The following TRHDE variants were observed in gnomAD, a reference collection of about 807,000 sequenced individuals.
The protein encoded by TRHDE is thyrotropin releasing hormone degrading enzyme.
In TRHDE, 72 loss-of-function variants were observed where a neutral mutation model predicts 125.7. The observed-to-expected ratio is 0.57, with a 90% CI of 0.47 to 0.70. The LOEUF is 0.70. TRHDE is among the 30% of genes least tolerant of loss of function. The pLI, the probability that TRHDE is intolerant of heterozygous loss-of-function variation, is 0.00. For missense variants in TRHDE, 1,110 were observed against 1,327.1 expected (o/e 0.84, Z 2.54); for synonymous variants, 509 against 509.1 (o/e 1.00, Z 0.00).
intron 2 of TRHDE, among the ~76,000 whole-genome samples, chr12:72,162,487 C>T (rs533565783): frequency 1.3e-5 from 2 of 152,154 alleles, no homozygotes; most frequent in Non-Finnish European, 2.9e-5. Context: ...GATTTATTAT[C>T]TTCCTGCATT....
At chr12:72,276,856 A>G (rs1206204009) in intron 1 of TRHDE, among the ~76,000 whole-genome samples, 2 of 152,196 alleles carry the variant, frequency 1.3e-5, no homozygotes, top group African/African-American at 4.8e-5. Flanking sequence ...GGCAGATAAA[A>G]ATGGGTGTGT....
At chr12:72,502,106 T>C (rs1235550849) in intron 6 of TRHDE, among the ~76,000 whole-genome samples, 1 of 152,084 alleles carries the variant, frequency 6.6e-6, no homozygotes, top group East Asian at 1.9e-4. Context: ...TTTATTGATC[T>C]CAAAAAGCAT....
chr12:72,515,579 A>G (rs1404522938), intron 6 of TRHDE, among the ~76,000 whole-genome samples: 1 of 151,980 alleles, frequency 6.6e-6, no homozygotes, highest in Non-Finnish European at 1.5e-5. Context: ...ATTTTCTCCC[A>G]TGTTGTAGGT....
rs547164900 is a variant in TRHDE, at chr12:72,234,740, A to G, written n.279+128988A>G. Among the ~76,000 whole-genome samples the G allele has an allele frequency of 3.2e-3, 481 of 152,272 alleles. 1 individual carries two copies. The highest frequency in any genetic ancestry group is 0.011 in the African/African-American group (467 of 41,554). ...GTTTTAGGTGCTTTAAAAAAAATCT[A>G]CTTTGTCTTAAATTGATCAGAGAAG... On this transcript the variant is annotated intron_variant and non_coding_transcript_variant, in intron 2 of 4. Coordinates refer to the TRHDE transcript ENST00000548156.
chr12:72,323,762 G>C (rs879740823), intron 2 of TRHDE, among the ~76,000 whole-genome samples: 3 of 152,110 alleles, frequency 2.0e-5, no homozygotes, highest in Non-Finnish European at 2.9e-5. Flanking sequence ...GTCAAAGGCA[G>C]TTGTGATGTA....
rs75900569 is a variant in TRHDE, at chr12:72,374,025, G to A, written c.1189-3970G>A. ...ATAACAGCTTGAAGGAGCAAGGGAC[G>A]AGGCATCAGTAGGAAAATAAAGCAG... On this transcript the variant is annotated intron_variant, in intron 2 of 18. Transcript: ENST00000261180. Among the ~76,000 whole-genome samples the A allele has an allele frequency of 6.4e-3, 968 of 152,192 alleles. 6 individuals are homozygous for A. The highest frequency in any genetic ancestry group is 0.022 in the African/African-American group (931 of 41,532).
At chr12:72,357,090 T>C (rs974351355) in intron 2 of TRHDE, among the ~76,000 whole-genome samples, 2 of 151,458 alleles carry the variant, frequency 1.3e-5, no homozygotes, top group Non-Finnish European at 3.0e-5. Flanking sequence ...CAGGTTTAAA[T>C]AAAGCAACCA....
Position 72,499,525 on chromosome 12 carries a change from C to A in TRHDE, c.1612C>A (p.Leu538Met), listed in dbSNP as rs1158171868. ...AAAGCAGAGGTTTCTGACCGATGTT[C>A]TGCATGAAGTGATGCTGCTGGACGG... ...MEKQRFLTDV[L>M]HEVMLLDGLA... is the part of the protein sequence containing the mutation. Residue 538 changes from leucine to methionine, a missense_variant, in exon 6 of 19, where the codon CTG (leucine) becomes ATG (methionine). Coordinates refer to ENST00000261180, the MANE Select transcript of TRHDE (RefSeq NM_013381.3). 1 of 1,613,718 alleles carries A rather than the reference C, an allele frequency of 6.2e-7. No individual in the cohort carries two copies. Among genetic ancestry groups the A allele is most frequent in the Non-Finnish European group, 8.5e-7 (1 of 1,179,806 alleles).
At chr12:72,356,449 G>T (rs890692790) in intron 2 of TRHDE, among the ~76,000 whole-genome samples, 17 of 151,394 alleles carry the variant, frequency 1.1e-4, no homozygotes, top group African/African-American at 3.9e-4. Context: ...CTTAGTACCT[G>T]GTTGACAAAA....
At position 72,456,176 on chromosome 12, in the gene TRHDE, C is replaced by CACACACAG. The variant is rs796569778; in HGVS notation, c.1316-13581_1316-13580insCACACAGA. On this transcript the variant is annotated intron_variant, in intron 3 of 18. Coordinates refer to ENST00000261180, the MANE Select transcript of TRHDE (RefSeq NM_013381.3). ...ACACACACACACACACACACACACACAGAGACTCAGAGAGTTGGACATATG... is the reference window on the plus strand; with the variant it reads ...ACACACACACACACACACACACACACACACACAGAGAGACTCAGAGAGTTGGACATATG... Among the ~76,000 whole-genome samples the CACACACAG allele has an allele frequency of 3.7e-4, 52 of 140,520 alleles. 1 individual carries two copies. Among genetic ancestry groups the CACACACAG allele is most frequent in the Middle Eastern group, 3.8e-3 (1 of 260 alleles). The allele number at this position is 140,520 out of a possible 152,430, so 92.2% of individuals were successfully genotyped here.
intron 3 of TRHDE, among the ~76,000 whole-genome samples, chr12:72,442,006 G>A (rs1875038946): frequency 6.6e-6 from 1 of 151,740 alleles, no homozygotes; most frequent in South Asian, 2.1e-4. Flanking sequence ...GAAGCTACAA[G>A]TCTCTTTATA....
chr12:72,286,421 T>A (rs10879392), intron 1 of TRHDE, among the ~76,000 whole-genome samples: 84,472 of 152,028 alleles, frequency 0.56, 26,938 homozygotes, highest in East Asian at 0.8. Flanking sequence ...TACTGTGTAA[T>A]GTTTCATCTA....
chr12:72,327,268 T>C (rs1869383437), intron 2 of TRHDE, among the ~76,000 whole-genome samples: 1 of 152,128 alleles, frequency 6.6e-6, no homozygotes, highest in African/African-American at 2.4e-5. Flanking sequence ...TATTTTCCTT[T>C]AATTAACCTT....
intron 2 of TRHDE, among the ~76,000 whole-genome samples, chr12:72,317,995 A>AT (rs1771218683): frequency 6.6e-6 from 1 of 152,162 alleles, no homozygotes; most frequent in Admixed American, 6.6e-5. Flanking sequence ...CATGTAAGGA[A>AT]TTTATAGCCA....
chr12:72,276,335 C>T (rs529287665), intron 1 of TRHDE, among the ~76,000 whole-genome samples: 2 of 152,094 alleles, frequency 1.3e-5, no homozygotes, highest in African/African-American at 4.8e-5. Context: ...AGGGTAATGT[C>T]TGTAATAAAA....
chr12:72,289,965 C>T (rs1336462656), intron 2 of TRHDE, among the ~76,000 whole-genome samples: 1 of 152,064 alleles, frequency 6.6e-6, no homozygotes, highest in Non-Finnish European at 1.5e-5. Flanking sequence ...GTTGAAAATC[C>T]AGAGGGTAGC....
At chr12:72,460,047 G>A (rs1876053355) in intron 3 of TRHDE, among the ~76,000 whole-genome samples, 2 of 152,186 alleles carry the variant, frequency 1.3e-5, no homozygotes, top group African/African-American at 4.8e-5. Context: ...AGGGAATGTG[G>A]TTCTTTTATA....
intron 9 of TRHDE, among the ~76,000 whole-genome samples, chr12:72,566,367 C>T (rs2136016159): frequency 6.6e-6 from 1 of 151,264 alleles, no homozygotes; most frequent in Non-Finnish European, 1.5e-5. Context: ...ATCCCCAAAC[C>T]TTATAGTTAT....
At chr12:72,341,429 A>C (rs1268352110) in intron 2 of TRHDE, among the ~76,000 whole-genome samples, 2 of 151,928 alleles carry the variant, frequency 1.3e-5, no homozygotes, top group Non-Finnish European at 2.9e-5. Context: ...AGTTTTGTGA[A>C]TCACCCCATA....
Sources: gnomAD v4.1 joint callset for allele counts (sites outside exome capture counted in the v4.1 genomes callset) on GRCh38, gnomAD v4.1.1 for gene constraint, MANE v1.5 for transcripts, NCBI Gene and HGNC (gene_info 2026-07-23, HGNC 2026-07-21) for gene names.